LDLRAD4: variants seen among roughly 807,000 people sequenced by gnomAD.
LDLRAD4 encodes the protein low-density lipoprotein receptor class A domain-containing protein 4.
A neutral mutation model predicts 17.0 loss-of-function variants in LDLRAD4; 5 were observed. That is an observed-to-expected ratio of 0.29 (90% confidence interval 0.15 to 0.62). LDLRAD4 has a LOEUF of 0.62. Ranked by LOEUF, LDLRAD4 falls within the 20% of genes least tolerant of loss-of-function variation. LDLRAD4 has a pLI of 0.84. For synonymous variants in LDLRAD4, 168 were observed against 171.8 expected, an observed-to-expected ratio of 0.98 and a Z score of 0.17; for missense variants, 340 against 424.7, an observed-to-expected ratio of 0.80 and a Z score of 1.75.
exon 2 of LDLRAD4, chr18:13,387,435 G>T (rs1417856749): frequency 1.1e-5 from 4 of 353,512 alleles, no homozygotes; most frequent in Non-Finnish European, 2.0e-5. Flanking sequence ...GTGGCCAGGG[G>T]CGCCCGTGTT....
rs539380316 is a variant in LDLRAD4 at position 13,500,478 on chromosome 18, C to T, written c.181+62094C>T. 2.0e-5 allele frequency among the ~76,000 whole-genome samples: 3 copies of T among 152,356 alleles called. No individual in the cohort carries two copies. In the East Asian group the frequency reaches 5.8e-4, roughly 29 times the overall value. On this transcript the variant is annotated intron_variant, in intron 3 of 5. Transcript: ENST00000359446. ...CCTTTGGCATCATGCTTTCCCGCCCCTCCTGGGAGCAGCGCCTGTGGGAGG... is the reference window on the plus strand; with the variant it reads ...CCTTTGGCATCATGCTTTCCCGCCCTTCCTGGGAGCAGCGCCTGTGGGAGG...
intron 1 of LDLRAD4, among the ~76,000 whole-genome samples, chr18:13,255,021 TAAAAC>T (rs1433037502): frequency 6.6e-6 from 1 of 152,174 alleles, no homozygotes; most frequent in East Asian, 1.9e-4. Flanking sequence ...GCAGCAAGAC[TAAAAC>T]AGTAATCATC....
chr18:13,244,329 A>G (rs185833740), intron 1 of LDLRAD4, among the ~76,000 whole-genome samples: 157 of 149,200 alleles, frequency 1.1e-3, no homozygotes, highest in Non-Finnish European at 1.8e-3. Flanking sequence ...CACCCATCCA[A>G]CCCACGAATC....
At chr18:13,625,328 G>A (rs2041033620) in intron 4 of LDLRAD4, among the ~76,000 whole-genome samples, 1 of 152,178 alleles carries the variant, frequency 6.6e-6, no homozygotes, top group South Asian at 2.1e-4. Flanking sequence ...GAGAGTGGAG[G>A]TGGAAACATA....
chr18:13,511,342 T>G (rs758975443), intron 3 of LDLRAD4, among the ~76,000 whole-genome samples: 12 of 151,946 alleles, frequency 7.9e-5, no homozygotes, highest in Non-Finnish European at 1.8e-4. Flanking sequence ...AGACCAGCCA[T>G]CTCTACTAAA....
chr18:13,293,393 T>C (rs2046080696), intron 1 of LDLRAD4, among the ~76,000 whole-genome samples: 1 of 152,220 alleles, frequency 6.6e-6, no homozygotes, highest in Admixed American at 6.5e-5. Flanking sequence ...TTATGGCTTC[T>C]GTTTCCCCTC....
At chr18:13,218,068 C>G (rs1161068090), upstream of LDLRAD4, 1 of 151,828 alleles carries the variant, frequency 6.6e-6, no homozygotes, top group African/African-American at 2.4e-5. Flanking sequence ...GGGCAGTCCC[C>G]GCCTCCGCTC....
chr18:13,561,347 T>A (rs1009044173), intron 3 of LDLRAD4: 1 of 152,238 alleles, frequency 6.6e-6, no homozygotes, highest in Non-Finnish European at 1.5e-5. Flanking sequence ...TCATAGAATT[T>A]GGGGCTTTTG....
At chr18:13,572,791 C>T (rs57308912) in intron 3 of LDLRAD4, among the ~76,000 whole-genome samples, 2,995 of 152,306 alleles carry the variant, frequency 0.02, 100 homozygotes, top group African/African-American at 0.069. Context: ...ATCATTTTTA[C>T]GGGGGTTCCT....
exon 6 of LDLRAD4, chr18:13,648,480 A>G (rs2043101791): frequency 6.6e-6 from 1 of 152,250 alleles, no homozygotes; most frequent in Non-Finnish European, 1.5e-5. Flanking sequence ...TCCCTTCAGC[A>G]GAAGGAAAAG....
At chr18:13,343,286 T>A (rs2082486612) in intron 1 of LDLRAD4, among the ~76,000 whole-genome samples, 1 of 128,144 alleles carries the variant, frequency 7.8e-6, no homozygotes, top group Non-Finnish European at 1.6e-5. Context: ...CCTGTGTCCA[T>A]GTGTTCTCAT....
rs1259823179 is a variant in LDLRAD4, at chr18:13,442,857, A to AT, written c.181+4475dup. Among the ~76,000 whole-genome samples, 3 of 152,196 alleles carry AT rather than the reference A, an allele frequency of 2.0e-5. No homozygotes were observed. In the East Asian group the frequency reaches 5.8e-4, roughly 29 times the overall value. On this transcript the variant is annotated intron_variant, in intron 3 of 5. Transcript: ENST00000359446. Reference sequence around the variant, plus strand: ...CCCCCGAAGCCAGCGCTGCTGAGGGATTCTCACCACTGGACCTTAAGAGTA... The same window carrying AT: ...CCCCCGAAGCCAGCGCTGCTGAGGGATTTCTCACCACTGGACCTTAAGAGTA...
chr18:13,408,190 A>G (rs1211524157), intron 2 of LDLRAD4, among the ~76,000 whole-genome samples: 5 of 152,092 alleles, frequency 3.3e-5, no homozygotes, highest in Admixed American at 1.3e-4. Flanking sequence ...CTTGGGCAAC[A>G]TGGCGAAACC....
At position 13,609,320 on chromosome 18, in the gene LDLRAD4, C is replaced by A. The variant is rs147775839; in HGVS notation, c.182-11797C>A. Among the ~76,000 whole-genome samples, 341 of 152,290 alleles carry A rather than the reference C, an allele frequency of 2.2e-3. 1 individual carries two copies. The highest frequency in any genetic ancestry group is 3.8e-3 in the Non-Finnish European group (257 of 68,034). On this transcript the variant is annotated intron_variant, in intron 3 of 5. Coordinates refer to ENST00000359446, the Ensembl canonical transcript of LDLRAD4. ...TGAACCCTGAGTCACGACTTGACCT[C>A]GGAACTTCCTTTCTGAAGCACCATC...
At chr18:13,412,617 G>A (rs192014351) in intron 2 of LDLRAD4, among the ~76,000 whole-genome samples, 78 of 152,264 alleles carry the variant, frequency 5.1e-4, no homozygotes, top group Admixed American at 2.0e-3. Flanking sequence ...GACTTTATGG[G>A]CCTCCACTCC....
At chr18:13,506,921 G>C (rs567148361) in intron 3 of LDLRAD4, among the ~76,000 whole-genome samples, 14 of 152,298 alleles carry the variant, frequency 9.2e-5, no homozygotes, top group African/African-American at 3.1e-4. Flanking sequence ...TTTCGGCGCT[G>C]ACAGTGACTC....
At chr18:13,568,299 A>C (rs1205110614) in intron 3 of LDLRAD4, among the ~76,000 whole-genome samples, 1 of 151,876 alleles carries the variant, frequency 6.6e-6, no homozygotes, top group Non-Finnish European at 1.5e-5. Flanking sequence ...GTTTACAAAA[A>C]AAAAAAAAAG....
At chr18:13,642,941 C>A (rs1361580202) in intron 4 of LDLRAD4, among the ~76,000 whole-genome samples, 1 of 106,360 alleles carries the variant, frequency 9.4e-6, no homozygotes, top group African/African-American at 3.8e-5. Context: ...TTTTTTTTTT[C>A]TTCTGTTTTT....
At chr18:13,512,457 A>T (rs71353273) in intron 3 of LDLRAD4, among the ~76,000 whole-genome samples, 1 of 152,180 alleles carries the variant, frequency 6.6e-6, no homozygotes, top group South Asian at 2.1e-4. Context: ...GTGTGCTTAC[A>T]ATGTGGGTGT....
Sources: allele counts gnomAD v4.1 joint callset (sites outside exome capture counted in the v4.1 genomes callset), GRCh38; gene constraint gnomAD v4.1.1; transcripts MANE v1.5; gene names NCBI Gene and HGNC (gene_info 2026-07-23, HGNC 2026-07-21).